The following SLC24A4 variants were observed in gnomAD, a reference collection of about 807,000 sequenced individuals.
SLC24A4 encodes the protein sodium/potassium/calcium exchanger 4.
Under a neutral mutation model 79.0 loss-of-function variants are expected in SLC24A4, and 53 were observed. The observed-to-expected ratio is 0.67, with a 90% CI of 0.54 to 0.84. The LOEUF (loss-of-function observed/expected upper bound fraction) is 0.84. Among genes scored for constraint, SLC24A4 ranks in the 40% least tolerant of loss-of-function variants. The pLI is 0.00. For synonymous variants in SLC24A4, 323 were observed against 323.8 expected (o/e 1.00, Z 0.03); for missense variants, 731 against 822.0 (o/e 0.89, Z 1.35).
intron 2 of SLC24A4, among the ~76,000 whole-genome samples, chr14:92,372,927 C>CCTTCCTTCCTT (rs1566721994): frequency 1.2e-5 from 1 of 85,314 alleles, no homozygotes; most frequent in African/African-American, 4.5e-5. Flanking sequence ...CTTTCTTTCT[C>CCTTCCTTCCTT]TTTCTTTCTT....
At chr14:92,418,387 C>T (rs73337480) in intron 2 of SLC24A4, among the ~76,000 whole-genome samples, 1,786 of 152,248 alleles carry the variant, frequency 0.012, 46 homozygotes, top group African/African-American at 0.041. Flanking sequence ...TCTTCCCATC[C>T]CAACCCCAAT....
intron 10 of SLC24A4, 195 bp from the exon 11 acceptor site, chr14:92,453,705 G>T (rs1823791571): frequency 5.6e-6 from 3 of 539,762 alleles, no homozygotes; most frequent in Non-Finnish European, 6.4e-6. Flanking sequence ...CACTAGGTCA[G>T]CAGGTGTTTC....
intron 2 of SLC24A4, among the ~76,000 whole-genome samples, chr14:92,412,835 T>C (rs1890794570): frequency 6.6e-6 from 1 of 152,188 alleles, no homozygotes; most frequent in African/African-American, 2.4e-5. Flanking sequence ...GCGGGTCAAA[T>C]TCAGCTCTCC....
rs541371400 is a variant in SLC24A4, at chr14:92,354,617, G to T, written c.241+28639G>T. On this transcript the variant is annotated intron_variant, in intron 2 of 16. Transcript: ENST00000532405. Reference sequence around the variant, plus strand: ...CATTATTTACATTTTTAATAGAATAGAATTAATGTGCACACAAATCACTTG... The same window carrying T: ...CATTATTTACATTTTTAATAGAATATAATTAATGTGCACACAAATCACTTG... Among the ~76,000 whole-genome samples, 42 of 152,328 alleles carry T rather than the reference G, an allele frequency of 2.8e-4. 2 individuals are homozygous for T. The highest frequency in any genetic ancestry group is 7.2e-4 in the African/African-American group (30 of 41,562).
Position 92,323,707 on chromosome 14 carries a change from CG to C in SLC24A4, c.-122del, listed in dbSNP as rs1249836617. On this transcript the variant is annotated 5_prime_UTR_variant, in exon 1 of 17. It removes the in-frame stop codon of an upstream open reading frame in the 5' UTR. Coordinates refer to ENST00000532405, the MANE Select transcript of SLC24A4 (RefSeq NM_153646.4). This position sits in a 1 kb window ranked among gnomAD's most constrained non-coding sequence, Gnocchi z 4.9. ...GCCCTCGGGCCATGAGGCTTTGGCC[CG>C]GAGCTCCTCGCCTCTGAGTCGCGCA... is the stretch of plus-strand genomic sequence containing the variant. The C allele has an allele frequency of 1.6e-6, 2 of 1,273,752 alleles. No individual in the cohort carries two copies. The highest frequency in any genetic ancestry group is 5.4e-5 in the East Asian group (2 of 36,988). 78.9% of individuals were successfully genotyped at this position (1,273,752 alleles called of 1,614,324 possible). A position where few individuals can be genotyped will look rare whatever the true frequency, so the allele number is the denominator to read the frequency against.
intron 2 of SLC24A4, among the ~76,000 whole-genome samples, chr14:92,359,981 C>T (rs534183728): frequency 6.6e-5 from 10 of 152,294 alleles, no homozygotes; most frequent in African/African-American, 1.4e-4. Context: ...TGCAGTGGTG[C>T]GATCTTGGCT....
rs945668649 is a variant in SLC24A4, at chr14:92,441,147, G to A, written c.394-942G>A. On this transcript the variant is annotated intron_variant, in intron 4 of 16. Coordinates refer to ENST00000532405, the MANE Select transcript of SLC24A4 (RefSeq NM_153646.4). This position sits in a 1 kb window ranked among gnomAD's most constrained non-coding sequence, Gnocchi z 4.6. ...TAGCTGACCAGTGGGTTCCTTGGTG[G>A]CCCCAGAACCCAGGGCTGCTCAGGG... 3.9e-5 allele frequency among the ~76,000 whole-genome samples: 6 copies of A among 152,134 alleles called. No homozygotes were observed. Among genetic ancestry groups the A allele is most frequent in the Admixed American group, 2.0e-4 (3 of 15,278 alleles).
In SLC24A4 at chr14:92,323,835, C is replaced by T. The variant is rs376782860; in HGVS notation, c.5C>T (p.Ala2Val). Reference sequence around the variant, plus strand: ...ACGGCACCCAGGCGCTCCGGGATGGCGCTCCGCGGGACCCTCCGGCCGCTC... The same window carrying T: ...ACGGCACCCAGGCGCTCCGGGATGGTGCTCCGCGGGACCCTCCGGCCGCTC... M[A>V]LRGTLRPLKV... The change falls in exon 1 of 17, where the codon GCG (alanine) becomes GTG (valine). Residue 2 changes from alanine to valine, a missense_variant. Ala to Val is a moderately conservative substitution (Grantham distance 64). Transcript: ENST00000532405. This position sits in a 1 kb window ranked among gnomAD's most constrained non-coding sequence, Gnocchi z 4.9. 1.3e-6 allele frequency: 2 copies of T among 1,574,384 alleles called. No individual in the cohort carries two copies. The highest frequency in any genetic ancestry group is 1.7e-6 in the Non-Finnish European group (2 of 1,167,598).
At chr14:92,420,339 G>C (rs935262355) in intron 2 of SLC24A4, among the ~76,000 whole-genome samples, 7 of 152,154 alleles carry the variant, frequency 4.6e-5, no homozygotes, top group Non-Finnish European at 7.3e-5. Context: ...AATTAGCCGG[G>C]CACAGTGGCA....
chr14:92,448,435 G>A (rs751735554), intron 9 of SLC24A4, among the ~76,000 whole-genome samples: 37 of 148,858 alleles, frequency 2.5e-4, no homozygotes, highest in Non-Finnish European at 4.7e-4. Context: ...CTCATACCGC[G>A]ATACGTAATT....
rs867469274 is a variant in SLC24A4, at chr14:92,343,626, T to C, written c.241+17648T>C. ...TTTCTTTCTTTCTTTCTTTCTTTCT[T>C]TCTTTCTTTCTTTCTCTCTTTCCTT... On this transcript the variant is annotated intron_variant, in intron 2 of 16. Coordinates refer to ENST00000532405, the MANE Select transcript of SLC24A4 (RefSeq NM_153646.4). 8.8e-3 allele frequency among the ~76,000 whole-genome samples: 980 copies of C among 111,502 alleles called. 7 individuals carry two copies. The highest frequency in any genetic ancestry group is 0.017 in the South Asian group (57 of 3,370). 73.1% of individuals were successfully genotyped at this position (111,502 alleles called of 152,430 possible).
intron 2 of SLC24A4, among the ~76,000 whole-genome samples, chr14:92,375,342 C>T (rs61975597): frequency 0.061 from 9,350 of 152,238 alleles, 428 homozygotes; most frequent in Non-Finnish European, 0.091. Flanking sequence ...TTAAGACCCT[C>T]GGACAGTGCT....
chr14:92,447,436 T>C lies in SLC24A4; in HGVS notation c.737+12T>C. 6.2e-7 allele frequency: 1 copy of C among 1,613,866 alleles called. No homozygotes were observed. Among genetic ancestry groups the C allele is most frequent in the East Asian group, 2.2e-5 (1 of 44,880 alleles). On this transcript the variant is annotated intron_variant, in intron 9 of 16. Coordinates refer to ENST00000532405, the MANE Select transcript of SLC24A4 (RefSeq NM_153646.4). The stretch of plus-strand genomic sequence containing the variant: ...ATTCTGATCATGAAGTAAGTGCCCT[T>C]TCTCCTCCCCGGGGCTGCCGACGCC...
intron 7 of SLC24A4, among the ~76,000 whole-genome samples, chr14:92,444,551 T>C (rs1268042810): frequency 6.6e-6 from 1 of 152,210 alleles, no homozygotes; most frequent in African/African-American, 2.4e-5. Flanking sequence ...TAAAAACTCT[T>C]TGATTTATAA....
At chr14:92,389,020 A>G (rs1284162228) in intron 2 of SLC24A4, among the ~76,000 whole-genome samples, 1 of 152,214 alleles carries the variant, frequency 6.6e-6, no homozygotes, top group Non-Finnish European at 1.5e-5. Flanking sequence ...AGGCAGAACT[A>G]ATATGACAAC....
chr14:92,411,579 G>GACAAGACT (rs1890718331), intron 2 of SLC24A4, among the ~76,000 whole-genome samples: 1 of 152,142 alleles, frequency 6.6e-6, no homozygotes, highest in African/African-American at 2.4e-5. Context: ...GTTTGTATGA[G>GACAAGACT]ACAGAACCAA....
At chr14:92,454,706 G>A (rs1893358178) in intron 11 of SLC24A4, among the ~76,000 whole-genome samples, 1 of 152,172 alleles carries the variant, frequency 6.6e-6, no homozygotes, top group African/African-American at 2.4e-5. Context: ...TTAACACATA[G>A]ATTGTATGCA....
At chr14:92,378,069 T>G (rs1304209191) in intron 2 of SLC24A4, among the ~76,000 whole-genome samples, 1 of 152,154 alleles carries the variant, frequency 6.6e-6, no homozygotes, top group Non-Finnish European at 1.5e-5. Flanking sequence ...TGGGTCTGCT[T>G]GCAGTCGGCT....
chr14:92,456,924 G>C (rs2139850997), intron 12 of SLC24A4, among the ~76,000 whole-genome samples: 1 of 152,280 alleles, frequency 6.6e-6, no homozygotes, highest in Admixed American at 6.5e-5. Context: ...TCGATCTTTT[G>C]TGCCAAGGAA....
Sources: gnomAD v4.1 joint callset for allele counts (sites outside exome capture counted in the v4.1 genomes callset) on GRCh38, gnomAD v4.1.1 for gene constraint, Gnocchi (gnomAD v3.1) non-coding constraint, MANE v1.5 for transcripts, NCBI Gene and HGNC (gene_info 2026-07-23, HGNC 2026-07-21) for gene names.